MCCC1: variants seen among roughly 807,000 people sequenced by gnomAD.
The protein encoded by MCCC1 is methylcrotonyl-CoA carboxylase subunit 1, also known as methylcrotonoyl-CoA carboxylase subunit alpha, mitochondrial.
A neutral mutation model predicts 83.8 loss-of-function variants in MCCC1; 64 were observed. That is an observed-to-expected ratio of 0.76 (90% CI 0.62 to 0.94). The LOEUF (loss-of-function observed/expected upper bound fraction) is 0.94, where lower values mean the gene tolerates loss of function less well. MCCC1 is among the 40% of genes least tolerant of loss of function. The pLI is 0.00. For synonymous variants in MCCC1, 322 were observed against 315.4 expected (o/e 1.02, Z -0.22); for missense variants, 807 against 904.7 (o/e 0.89, Z 1.39).
chr3:183,104,280 G>C (rs963735991), upstream of MCCC1, among the ~76,000 whole-genome samples: 33 of 152,084 alleles, frequency 2.2e-4, no homozygotes, highest in Non-Finnish European at 4.3e-4. Context: ...AGCGAGGGCT[G>C]TGAGGACTGC....
At chr3:183,092,655 T>C (rs1212347243) in intron 2 of MCCC1, 110 bp from the exon 3 acceptor site, 1 of 1,428,222 alleles carries the variant, frequency 7.0e-7, no homozygotes, top group Non-Finnish European at 9.6e-7. Flanking sequence ...AAGTTCAAGG[T>C]TTTTGGTAAA....
At chr3:183,030,866 GCTTT>G (rs1713010229) in intron 14 of MCCC1, among the ~76,000 whole-genome samples, 2 of 152,074 alleles carry the variant, frequency 1.3e-5, no homozygotes, top group African/African-American at 4.8e-5. Context: ...ATGTCAACAG[GCTTT>G]TACTCTTCTT....
chr3:183,093,920 AC>A (rs1718547069), intron 2 of MCCC1, among the ~76,000 whole-genome samples: 1 of 152,232 alleles, frequency 6.6e-6, no homozygotes, highest in Non-Finnish European at 1.5e-5. Context: ...TTTTCAAAGA[AC>A]TGCTTTAGAC....
intron 5 of MCCC1, among the ~76,000 whole-genome samples, chr3:183,071,912 A>G (rs959457069): frequency 4.3e-5 from 6 of 140,150 alleles, no homozygotes; most frequent in African/African-American, 8.1e-5. Context: ...TCTGTCACCC[A>G]GACTGAAGTA....
intron 9 of MCCC1, among the ~76,000 whole-genome samples, chr3:183,046,547 AC>A (rs1344392694): frequency 6.6e-6 from 1 of 151,984 alleles, no homozygotes; most frequent in Admixed American, 6.6e-5. Context: ...ACAGGCGCAC[AC>A]CACTATGTCC....
At chr3:183,087,967 T>C (rs1323060112) in intron 3 of MCCC1, among the ~76,000 whole-genome samples, 1 of 151,088 alleles carries the variant, frequency 6.6e-6, no homozygotes, top group Non-Finnish European at 1.5e-5. Context: ...GATGAGGCTC[T>C]CAGGCACAGA....
chr3:183,092,420 G>T lies in MCCC1; in HGVS notation c.262C>A (p.His88Asn). Residue 88 changes from histidine to asparagine, a missense_variant, in exon 3 of 19, where the codon CAT (histidine) becomes AAT (asparagine). Transcript: ENST00000265594. Reference sequence around the variant, plus strand: ...TTTTTAACACATACCATATCTACATGCATGGAATTTCTGTCAGCCTCACTA... The same window carrying T: ...TTTTTAACACATACCATATCTACATTCATGGAATTTCTGTCAGCCTCACTA... ...VYSEADRNSM[H>N]VDMADEAYSI... is the part of the protein sequence containing the mutation. 6.2e-7 allele frequency: 1 copy of T among 1,614,174 alleles called. No individual in the cohort carries two copies.
At chr3:183,063,741 C>T (rs765843229) in intron 7 of MCCC1, among the ~76,000 whole-genome samples, 51 of 152,108 alleles carry the variant, frequency 3.4e-4, no homozygotes, top group Non-Finnish European at 6.3e-4. Context: ...TTTCTGGTGA[C>T]CACAGAAGGG....
chr3:183,024,320 A>G (rs1017522413), intron 15 of MCCC1, among the ~76,000 whole-genome samples: 5 of 152,312 alleles, frequency 3.3e-5, no homozygotes, highest in African/African-American at 1.2e-4. Flanking sequence ...TCATAAGTAC[A>G]CAGTGGAATT....
intron 1 of MCCC1, among the ~76,000 whole-genome samples, chr3:183,108,487 A>G (rs1296058218): frequency 6.6e-6 from 1 of 152,018 alleles, no homozygotes; most frequent in Non-Finnish European, 1.5e-5. Context: ...GACATTCCAT[A>G]TGGTTTTGTC....
At chr3:183,060,943 C>A (rs371161899) in intron 7 of MCCC1, among the ~76,000 whole-genome samples, 1 of 152,078 alleles carries the variant, frequency 6.6e-6, no homozygotes, top group South Asian at 2.1e-4. Context: ...ATTAATATTA[C>A]GTAGGAGGCT....
intron 7 of MCCC1, among the ~76,000 whole-genome samples, chr3:183,067,441 A>C (rs1323283696): frequency 1.3e-5 from 2 of 152,262 alleles, no homozygotes; most frequent in Non-Finnish European, 2.9e-5. Flanking sequence ...CTTTGTACAA[A>C]TAATCAGGCC....
chr3:183,078,685 C>A (rs73053934), intron 4 of MCCC1, among the ~76,000 whole-genome samples: 1,703 of 152,242 alleles, frequency 0.011, 36 homozygotes, highest in African/African-American at 0.039. Context: ...TGTTACTAGT[C>A]TCCTTTAACA....
chr3:183,080,263 TA>T (rs1717390286), intron 4 of MCCC1, among the ~76,000 whole-genome samples: 1 of 152,238 alleles, frequency 6.6e-6, no homozygotes, highest in Admixed American at 6.5e-5. Flanking sequence ...CTGCTTCCCT[TA>T]TAAAACTGAA....
intron 9 of MCCC1, among the ~76,000 whole-genome samples, chr3:183,047,940 T>C (rs1714675561): frequency 1.3e-5 from 2 of 152,254 alleles, no homozygotes; most frequent in Non-Finnish European, 2.9e-5. Flanking sequence ...TGTTACTGCA[T>C]ACTGTAGGCA....
intron 1 of MCCC1, among the ~76,000 whole-genome samples, chr3:183,097,790 G>A (rs994543713): frequency 9.2e-5 from 14 of 152,204 alleles, no homozygotes; most frequent in African/African-American, 3.1e-4. Flanking sequence ...CAATAGCTAA[G>A]CTTTGAAAGG....
At position 183,039,064 on chromosome 3, in the gene MCCC1, C is replaced by A. The variant is rs546480708; in HGVS notation, c.1339G>T (p.Ala447Ser). ...LVVWAADRQA[A>S]LTKLRYSLRQ... is the part of the protein sequence containing the mutation. The stretch of plus-strand genomic sequence containing the variant: ...AGGCTGTACCTCAGTTTTGTCAATG[C>A]CGCCTGGCGATCTGCTGCCCACACG... Residue 447 changes from alanine to serine, a missense_variant, in exon 12 of 19, where the codon GCA (alanine) becomes TCA (serine). Physicochemically the swap from Ala to Ser is moderately conservative, Grantham distance 99 (BLOSUM62 1). Coordinates refer to ENST00000265594, the MANE Select transcript of MCCC1 (RefSeq NM_020166.5). 2.8e-5 allele frequency: 45 copies of A among 1,614,066 alleles called. No individual in the cohort carries two copies. Among genetic ancestry groups the A allele is most frequent in the Non-Finnish European group, 3.7e-5 (44 of 1,180,048 alleles).
intron 13 of MCCC1, 105 bp from the exon 14 acceptor site, chr3:183,034,182 G>T: frequency 1.2e-6 from 1 of 802,356 alleles, no homozygotes; most frequent in Non-Finnish European, 2.1e-6. Flanking sequence ...CGGGCACAGT[G>T]GCTCATGCCT....
intron 3 of MCCC1, among the ~76,000 whole-genome samples, chr3:183,087,219 TATG>T (rs774327998): frequency 1.4e-4 from 21 of 152,284 alleles, no homozygotes; most frequent in African/African-American, 3.8e-4. Context: ...ATTATCAGAG[TATG>T]ATAATGCTTT....
Sources: gnomAD v4.1 joint callset for allele counts (sites outside exome capture counted in the v4.1 genomes callset) on GRCh38, gnomAD v4.1.1 for gene constraint, MANE v1.5 for transcripts, NCBI Gene and HGNC (gene_info 2026-07-23, HGNC 2026-07-21) for gene names.